The following ACOT13 variants were observed in gnomAD, a reference collection of about 807,000 sequenced individuals.
ACOT13 encodes acyl-coenzyme A thioesterase 13.
In ACOT13, 10 loss-of-function variants were observed where a neutral mutation model predicts 11.8. The observed-to-expected ratio is 0.85, with a 90% CI of 0.53 to 1.44. The LOEUF is 1.44. Among genes scored for constraint, ACOT13 ranks in the 40% most tolerant of loss-of-function variants. The pLI is 0.00. For synonymous variants in ACOT13, 53 were observed against 61.0 expected, an observed-to-expected ratio of 0.87 and a Z score of 0.61; for missense variants, 172 against 174.1, an observed-to-expected ratio of 0.99 and a Z score of 0.07.
chr6:24,685,332 C>CTTTTTTTTTTTTTTTTTTTTTTTT (rs563020332), intron 1 of ACOT13, among the ~76,000 whole-genome samples: 1 of 116,784 alleles, frequency 8.6e-6, no homozygotes, highest in East Asian at 2.4e-4. Context: ...TTTTACTGTA[C>CTTTTTTTTTTTTTTTTTTTTTTTT]TTTTTTTTTT....
chr6:24,695,453 G>A (rs1033798762), intron 1 of ACOT13, among the ~76,000 whole-genome samples: 12 of 152,068 alleles, frequency 7.9e-5, no homozygotes, highest in African/African-American at 2.4e-4. Flanking sequence ...CTCAGATGTC[G>A]TTCTCCAGGA....
rs17243479 is a variant in ACOT13, at chr6:24,667,968, G to A, written c.81+624G>A. On this transcript the variant is annotated intron_variant, in intron 1 of 2. Transcript: ENST00000230048. ...TGCCTAGGCTGGAGTGCAATGGCGC[G>A]ATCTCGGCTCACTGCAACCTCCACC... Among the ~76,000 whole-genome samples, 894 of 152,242 alleles carry A rather than the reference G, an allele frequency of 5.9e-3. 11 individuals carry two copies. Among genetic ancestry groups the A allele is most frequent in the African/African-American group, 0.021 (853 of 41,528 alleles).
At chr6:24,687,147 A>G (rs1031711527) in intron 1 of ACOT13, among the ~76,000 whole-genome samples, 1 of 152,124 alleles carries the variant, frequency 6.6e-6, no homozygotes, top group African/African-American at 2.4e-5. Flanking sequence ...ACCACTATCC[A>G]TCTACGGAAG....
intron 1 of ACOT13, among the ~76,000 whole-genome samples, chr6:24,668,207 C>A (rs1386142244): frequency 6.6e-6 from 1 of 151,612 alleles, no homozygotes; most frequent in East Asian, 2.0e-4. Context: ...CACGCCAGAC[C>A]TTGAAGGTGT....
At chr6:24,697,720 T>A (rs1272329233) in intron 1 of ACOT13, among the ~76,000 whole-genome samples, 163 bp from the exon 2 acceptor site, 2 of 152,212 alleles carry the variant, frequency 1.3e-5, no homozygotes, top group African/African-American at 4.8e-5. Context: ...TCTTTAAAAA[T>A]AACTTGCATA....
chr6:24,671,931 A>G (rs1419073503), intron 1 of ACOT13, among the ~76,000 whole-genome samples: 1 of 152,204 alleles, frequency 6.6e-6, no homozygotes, highest in Non-Finnish European at 1.5e-5. Flanking sequence ...ATTTATACAA[A>G]TACATCTCAA....
At chr6:24,670,114 T>A (rs1405661087) in intron 1 of ACOT13, among the ~76,000 whole-genome samples, 1 of 152,256 alleles carries the variant, frequency 6.6e-6, no homozygotes, top group Non-Finnish European at 1.5e-5. Context: ...ACAATTTTTC[T>A]CTCTCCAGTT....
intron 1 of ACOT13, among the ~76,000 whole-genome samples, chr6:24,696,033 C>A (rs1420346596): frequency 6.6e-6 from 1 of 152,020 alleles, no homozygotes; most frequent in Admixed American, 6.6e-5. Flanking sequence ...ACTCCAGCCT[C>A]AGCAACAGAA....
intron 1 of ACOT13, among the ~76,000 whole-genome samples, chr6:24,673,101 A>T (rs1264111326): frequency 6.6e-6 from 1 of 152,222 alleles, no homozygotes; most frequent in Non-Finnish European, 1.5e-5. Context: ...AGTTGTAATC[A>T]TGTTAATTAA....
intron 1 of ACOT13, among the ~76,000 whole-genome samples, chr6:24,688,812 C>T (rs1011726870): frequency 4.6e-5 from 7 of 151,964 alleles, no homozygotes; most frequent in Non-Finnish European, 1.0e-4. Flanking sequence ...CTTTTTATGG[C>T]GAGAGATACA....
chr6:24,679,335 C>T (rs556370767), intron 1 of ACOT13, among the ~76,000 whole-genome samples: 59 of 152,186 alleles, frequency 3.9e-4, no homozygotes, highest in African/African-American at 1.2e-3. Context: ...GGGCCTAAGG[C>T]GGACTTTTGA....
At chr6:24,670,213 A>C (rs1229154931) in intron 1 of ACOT13, among the ~76,000 whole-genome samples, 6 of 152,214 alleles carry the variant, frequency 3.9e-5, no homozygotes, top group Non-Finnish European at 4.4e-5. Flanking sequence ...AGCAAGAATA[A>C]TTATTTTTCA....
At chr6:24,680,437 A>G (rs1056293455) in intron 1 of ACOT13, among the ~76,000 whole-genome samples, 2 of 152,022 alleles carry the variant, frequency 1.3e-5, no homozygotes, top group African/African-American at 2.4e-5. Flanking sequence ...AAAAAAGAAC[A>G]TAGGGATGCC....
intron 1 of ACOT13, among the ~76,000 whole-genome samples, chr6:24,694,253 T>C (rs1427792926): frequency 1.3e-5 from 2 of 152,188 alleles, no homozygotes; most frequent in Non-Finnish European, 2.9e-5. Flanking sequence ...TGTTAGGCCA[T>C]GGCAGGTAAA....
chr6:24,684,272 C>T (rs1392297012), intron 1 of ACOT13, among the ~76,000 whole-genome samples: 2 of 152,192 alleles, frequency 1.3e-5, no homozygotes, highest in Non-Finnish European at 2.9e-5. Context: ...TTGATAGTAA[C>T]TCTTTGAAAG....
At chr6:24,680,932 T>C (rs935303086) in intron 1 of ACOT13, among the ~76,000 whole-genome samples, 2 of 152,286 alleles carry the variant, frequency 1.3e-5, no homozygotes, top group Admixed American at 1.3e-4. Flanking sequence ...TTCCACAGAG[T>C]CTCTGTATTA....
intron 2 of ACOT13, among the ~76,000 whole-genome samples, chr6:24,700,208 C>T (rs1247869206): frequency 2.0e-5 from 3 of 152,064 alleles, no homozygotes; most frequent in Admixed American, 6.6e-5. Context: ...CTCCAAATTC[C>T]CCGGACTTAA....
At chr6:24,698,216 T>C in intron 2 of ACOT13, 149 bp downstream of exon 2, 1 of 729,608 alleles carries the variant, frequency 1.4e-6, no homozygotes, top group African/African-American at 1.8e-5. Flanking sequence ...CCTAAAATAT[T>C]CCAGCCTTAA....
chr6:24,686,885 T>G (rs1193131075), intron 1 of ACOT13, among the ~76,000 whole-genome samples: 2 of 152,056 alleles, frequency 1.3e-5, no homozygotes, highest in Non-Finnish European at 2.9e-5. Context: ...AAATTTTTTG[T>G]AAAAACAGGC....
Sources: gnomAD v4.1 joint callset for allele counts (sites outside exome capture counted in the v4.1 genomes callset) on GRCh38, gnomAD v4.1.1 for gene constraint, MANE v1.5 for transcripts, NCBI Gene and HGNC (gene_info 2026-07-23, HGNC 2026-07-21) for gene names.